Variants in CAPSL observed in about 807,000 individuals in gnomAD.
The protein encoded by CAPSL is calcyphosine like.
In CAPSL, 17 loss-of-function variants were observed where a neutral mutation model predicts 21.3. The observed-to-expected ratio is 0.80, with a 90% CI of 0.55 to 1.20. CAPSL has a LOEUF of 1.20. Among genes scored for constraint, CAPSL ranks in the 50% most tolerant of loss-of-function variants. The pLI is 0.00. For synonymous variants in CAPSL, 102 were observed against 89.3 expected (o/e 1.14, Z -0.80); for missense variants, 289 against 259.3 (o/e 1.11, Z -0.79).
chr5:35,914,179 C>T (rs1178327147), intron 2 of CAPSL, among the ~76,000 whole-genome samples: 1 of 152,120 alleles, frequency 6.6e-6, no homozygotes, highest in Non-Finnish European at 1.5e-5. Flanking sequence ...TATATATGCA[C>T]CCAATACAAG....
At chr5:35,937,326 G>A (rs532073474) in intron 1 of CAPSL, among the ~76,000 whole-genome samples, 5 of 152,320 alleles carry the variant, frequency 3.3e-5, no homozygotes, top group African/African-American at 7.2e-5. Context: ...TTGAATTCAT[G>A]CATTGGCCTT....
rs1025962055 is a variant in CAPSL at position 35,904,585 on chromosome 5, A to C, written c.587T>G (p.Val196Gly). The change falls in exon 5 of 5, where the codon GTG becomes GGG. Residue 196 changes from valine (V) to glycine (G), a missense_variant. Physicochemically the swap from Val to Gly is moderately radical, Grantham distance 109. Coordinates refer to ENST00000651391, the MANE Select transcript of CAPSL (RefSeq NM_001042625.2). ...GGTTCTCATCATGATGATGAAGTAC[A>C]CATCAGTGTCAATGGATGCGCTCAC... ...AGVSASIDTDVYFIIMMRTAW... is the reference protein window; with the variant it reads ...AGVSASIDTDGYFIIMMRTAW... The C allele has an allele frequency of 1.9e-6, 3 of 1,613,906 alleles. No individual in the cohort carries two copies. Among genetic ancestry groups the C allele is most frequent in the East Asian group, 4.5e-5 (2 of 44,858 alleles).
chr5:35,933,355 C>G (rs1475532489), intron 1 of CAPSL, among the ~76,000 whole-genome samples: 1 of 152,062 alleles, frequency 6.6e-6, no homozygotes. Context: ...CCACTTTTTA[C>G]AAAATAAGGA....
intron 2 of CAPSL, among the ~76,000 whole-genome samples, chr5:35,920,619 A>G (rs1738511918): frequency 6.6e-6 from 1 of 152,188 alleles, no homozygotes; most frequent in Admixed American, 6.5e-5. Flanking sequence ...ATTAGGGCTA[A>G]CTGGCTGTTC....
At position 35,934,839 on chromosome 5, in the gene CAPSL, G is replaced by A. The variant is rs1171062576; in HGVS notation, c.-1+3702C>T. Among the ~76,000 whole-genome samples the A allele has an allele frequency of 2.6e-5, 4 of 152,088 alleles. No homozygotes were observed. The East Asian group carries it at 7.7e-4, about 29-fold the overall frequency. ...ATTGTCCTTCATTAAACTCTTTTCT[G>A]TTACTACCTTTGAATGTGCCATCAA... On this transcript the variant is annotated intron_variant, in intron 1 of 4. Coordinates refer to ENST00000651391, the MANE Select transcript of CAPSL (RefSeq NM_001042625.2).
At chr5:35,928,898 T>C (rs1004122447) in intron 1 of CAPSL, among the ~76,000 whole-genome samples, 1 of 152,088 alleles carries the variant, frequency 6.6e-6, no homozygotes, top group Non-Finnish European at 1.5e-5. Flanking sequence ...CCAAGCACAG[T>C]AAATTAGACT....
intron 4 of CAPSL, among the ~76,000 whole-genome samples, chr5:35,905,912 TTTAC>T (rs1760664236): frequency 6.6e-6 from 1 of 152,198 alleles, no homozygotes; most frequent in Non-Finnish European, 1.5e-5. Flanking sequence ...GGTTGTGGAA[TTTAC>T]TTCTTAAAAA....
chr5:35,915,745 A>T (rs1178830526), intron 2 of CAPSL, among the ~76,000 whole-genome samples: 2 of 152,210 alleles, frequency 1.3e-5, no homozygotes, highest in Non-Finnish European at 2.9e-5. Flanking sequence ...ACAAACCCAC[A>T]GCCAGTATCA....
chr5:35,937,574 G>A (rs942114594), intron 1 of CAPSL, among the ~76,000 whole-genome samples: 8 of 152,106 alleles, frequency 5.3e-5, no homozygotes, highest in Admixed American at 2.6e-4. Context: ...AATGTAATTC[G>A]TTTTCGAATT....
chr5:35,910,750 T>A (rs769234666), intron 2 of CAPSL, among the ~76,000 whole-genome samples: 1 of 152,060 alleles, frequency 6.6e-6, no homozygotes, highest in African/African-American at 2.4e-5. Context: ...TCTAATTACA[T>A]GACATTCTGC....
chr5:35,919,159 T>TC (rs1261014617), intron 2 of CAPSL, among the ~76,000 whole-genome samples: 1 of 19,052 alleles, frequency 5.2e-5, no homozygotes, highest in African/African-American at 1.3e-4. Flanking sequence ...TCTTTCCTGA[T>TC]TAAAAAAAAA....
In CAPSL at chr5:35,909,934, A is replaced by G. The variant is rs1192584752; in HGVS notation, c.457T>C (p.Trp153Arg). The part of the protein sequence containing the change: ...KHHPKYQNGE[W>R]SEEQVFRKFL... ...TTCCTAAATACTTGTTCCTCACTCC[A>G]TTCCCCATTCTGGTACTTTGGGTGG... Residue 153 changes from tryptophan (W) to arginine (R), a missense_variant, in exon 4 of 5, where the codon TGG becomes CGG. Transcript: ENST00000651391. 4 of 1,613,784 alleles carry G rather than the reference A, an allele frequency of 2.5e-6. No individual in the cohort carries two copies. Among genetic ancestry groups the G allele is most frequent in the Non-Finnish European group, 3.4e-6 (4 of 1,179,920 alleles).
rs1738185990 is a variant in CAPSL at position 35,910,444 on chromosome 5, C to T, written c.237G>A (p.Glu79=). 2 of 1,613,592 alleles carry T rather than the reference C, an allele frequency of 1.2e-6. No homozygotes were observed. Among genetic ancestry groups the T allele is most frequent in the South Asian group, 1.1e-5 (1 of 91,070 alleles). ...NDYAVVMEKE[E]VEELFRRFDK... is the part of the protein sequence containing the mutation. Reference sequence around the variant, plus strand: ...CAAACCTCCGGAAAAGTTCTTCCACCTCTTCTTTTTCCATGACCACAGCAT... The same window carrying T: ...CAAACCTCCGGAAAAGTTCTTCCACTTCTTCTTTTTCCATGACCACAGCAT... Residue 79 remains glutamate, a synonymous_variant, in exon 3 of 5, where the codon GAG becomes GAA. Transcript: ENST00000651391.
At position 35,909,873 on chromosome 5, in the gene CAPSL, T is replaced by C; in HGVS notation, c.518A>G (p.Asp173Gly). ...TTAGGCTCTTTTACTTACCAATCCA[T>C]CTTTGTCATAGGGTGAATCAAAGTT... ...LDNFDSPYDK[D>G]GLVTPEEFMN... The change falls in exon 4 of 5, where the codon GAT (aspartate) becomes GGT (glycine). Residue 173 changes from aspartate (D) to glycine (G), a missense_variant. By Grantham distance (94) the Asp-to-Gly change is moderately conservative. Coordinates refer to ENST00000651391, the MANE Select transcript of CAPSL (RefSeq NM_001042625.2). 1.2e-6 allele frequency: 2 copies of C among 1,608,958 alleles called. No homozygotes were observed. The highest frequency in any genetic ancestry group is 1.7e-6 in the Non-Finnish European group (2 of 1,178,688).
At chr5:35,905,224 CACCCATG>C (rs1760649379) in intron 4 of CAPSL, among the ~76,000 whole-genome samples, 1 of 152,202 alleles carries the variant, frequency 6.6e-6, no homozygotes. Context: ...CTCCACTCTA[CACCCATG>C]ACCATCTCTT....
intron 4 of CAPSL, 70 bp downstream of exon 4, chr5:35,909,796 G>A: frequency 8.0e-7 from 1 of 1,250,598 alleles, no homozygotes; most frequent in Non-Finnish European, 1.1e-6. Context: ...ATTTTTAAGA[G>A]TTTGGACCTA....
At chr5:35,924,260 A>T (rs1430481317) in intron 1 of CAPSL, among the ~76,000 whole-genome samples, 1 of 152,212 alleles carries the variant, frequency 6.6e-6, no homozygotes, top group African/African-American at 2.4e-5. Context: ...CTCATTTTGC[A>T]AACTTGGAAA....
chr5:35,928,530 G>A (rs1580895226), intron 1 of CAPSL, among the ~76,000 whole-genome samples: 1 of 152,180 alleles, frequency 6.6e-6, no homozygotes, highest in East Asian at 1.9e-4. Flanking sequence ...TCAACTGAAT[G>A]TGCCCTTAGT....
chr5:35,911,918 C>G (rs1738234398), intron 2 of CAPSL, among the ~76,000 whole-genome samples: 1 of 152,162 alleles, frequency 6.6e-6, no homozygotes, highest in Admixed American at 6.5e-5. Context: ...AAGGCATCGC[C>G]TCACCCAGGA....
Sources: gnomAD v4.1 joint callset for allele counts (sites outside exome capture counted in the v4.1 genomes callset) on GRCh38, gnomAD v4.1.1 for gene constraint, MANE v1.5 for transcripts, NCBI Gene and HGNC (gene_info 2026-07-23, HGNC 2026-07-21) for gene names.